The following GYG2 variants were observed in gnomAD, a reference collection of about 807,000 sequenced individuals.
GYG2 encodes the protein glycogenin 2, also known as glycogenin-2.
In GYG2, 29 loss-of-function variants were observed where a neutral mutation model predicts 29.4. The observed-to-expected ratio is 0.99, with a 90% CI of 0.74 to 1.35. GYG2 has a LOEUF of 1.35. Ranked by LOEUF, GYG2 falls within the 40% of genes most tolerant of loss-of-function variation. The probability of loss-of-function intolerance (pLI) is 0.00; values close to 1 mark genes in which losing one functional copy is unlikely to be tolerated. For synonymous variants in GYG2, 167 were observed against 172.3 expected (o/e 0.97, Z 0.24); for missense variants, 370 against 385.7 (o/e 0.96, Z 0.34).
chrX:2,879,135 C>T (rs2088660572), intron 10 of GYG2, among the ~76,000 whole-genome samples: 1 of 110,942 alleles, frequency 9.0e-6, no homozygotes, highest in Non-Finnish European at 1.9e-5. Context: ...TATGTAAAAA[C>T]CTTCTAAAAA....
intron 2 of GYG2, among the ~76,000 whole-genome samples, chrX:2,834,328 A>G (rs2087328689): frequency 8.9e-6 from 1 of 111,749 alleles, no homozygotes; most frequent in Non-Finnish European, 1.9e-5. Context: ...TCTGTGTTGG[A>G]AAGGGAATTA....
At chrX:2,837,860 C>T (rs1045451557) in intron 2 of GYG2, among the ~76,000 whole-genome samples, 1 of 107,608 alleles carries the variant, frequency 9.3e-6, no homozygotes, top group Non-Finnish European at 1.9e-5. Context: ...CACACACACA[C>T]ACACACACAT....
intron 8 of GYG2, among the ~76,000 whole-genome samples, chrX:2,871,527 T>C (rs1438772943): frequency 1.8e-5 from 2 of 109,787 alleles, no homozygotes; most frequent in Non-Finnish European, 3.8e-5. Flanking sequence ...CCATCTCTAC[T>C]AAAAATACAA....
chrX:2,857,749 C>A (rs1416045763), intron 6 of GYG2, among the ~76,000 whole-genome samples: 1 of 111,237 alleles, frequency 9.0e-6, no homozygotes, highest in African/African-American at 3.3e-5. Flanking sequence ...TGATAGCTAG[C>A]CAAGGCTCTA....
chrX:2,854,608 G>A (rs2087937836), intron 4 of GYG2, among the ~76,000 whole-genome samples: 2 of 111,804 alleles, frequency 1.8e-5, no homozygotes, highest in African/African-American at 6.5e-5. Context: ...TATAACCACA[G>A]TATTTTACAC....
At chrX:2,853,906 C>T (rs892764768) in intron 3 of GYG2, 74 bp from the exon 4 acceptor site, 67 of 718,076 alleles carry the variant, frequency 9.3e-5, no homozygotes, top group Non-Finnish European at 1.3e-4. Flanking sequence ...AAAACAGCAC[C>T]CTCTTGAAGG....
In GYG2 at chrX:2,881,692, G is replaced by T. The variant is rs191535125; in HGVS notation, c.*479G>T. The T allele has an allele frequency of 5.8e-3, 650 of 112,339 alleles. 3 individuals are homozygous for T. The highest frequency in any genetic ancestry group is 9.1e-3 in the Non-Finnish European group (489 of 53,565). 9.3% of individuals were successfully genotyped at this position (112,339 alleles called of 1,213,427 possible). A position where few individuals can be genotyped will look rare whatever the true frequency, so the allele number is the denominator to read the frequency against. Reference sequence around the variant, plus strand: ...TGCCATGGAGACCCATTTCTGTAGGGCTAAGGAAACATTTAGACGTGGTGA... The same window carrying T: ...TGCCATGGAGACCCATTTCTGTAGGTCTAAGGAAACATTTAGACGTGGTGA... On this transcript the variant is annotated 3_prime_UTR_variant, in exon 11 of 11. Coordinates refer to ENST00000398806, the MANE Select transcript of GYG2 (RefSeq NM_001079855.2).
At chrX:2,873,712 T>C (rs1407961064) in intron 8 of GYG2, among the ~76,000 whole-genome samples, 1 of 111,369 alleles carries the variant, frequency 9.0e-6, no homozygotes, top group African/African-American at 3.3e-5. Flanking sequence ...ATTCATTCCT[T>C]CACCAACATG....
chrX:2,846,055 A>ATATATTTTT (rs2087723665), intron 3 of GYG2, among the ~76,000 whole-genome samples: 2 of 38,677 alleles, frequency 5.2e-5, no homozygotes, highest in Non-Finnish European at 8.9e-5. Context: ...ATATATATAT[A>ATATATTTTT]TTTTTTTTTT....
intron 6 of GYG2, among the ~76,000 whole-genome samples, chrX:2,858,495 G>A (rs774292423): frequency 9.0e-6 from 1 of 110,783 alleles, no homozygotes; most frequent in Admixed American, 9.7e-5. Flanking sequence ...AATCCACACG[G>A]ACAAAGCTCT....
chrX:2,847,902 C>A (rs1234451139), intron 3 of GYG2, among the ~76,000 whole-genome samples: 1 of 111,529 alleles, frequency 9.0e-6, no homozygotes, highest in African/African-American at 3.3e-5. Flanking sequence ...TGTTGAGCAG[C>A]GTCCCTGGGC....
At chrX:2,856,752 GTATC>G (rs1284530504) in intron 6 of GYG2, 128 bp downstream of exon 6, 196 of 166,059 alleles carry the variant, frequency 1.2e-3, no homozygotes, top group East Asian at 9.7e-3. Context: ...ATCTATCTAT[GTATC>G]TATCTATCTA....
At chrX:2,839,817 A>G (rs2087455637) in intron 2 of GYG2, among the ~76,000 whole-genome samples, 1 of 112,358 alleles carries the variant, frequency 8.9e-6, no homozygotes, top group South Asian at 3.7e-4. Context: ...AAAAGGCTAC[A>G]TAGTGTTTGA....
chrX:2,841,688 CGCTTGT>C (rs2087505032), intron 2 of GYG2, among the ~76,000 whole-genome samples: 1 of 111,566 alleles, frequency 9.0e-6, no homozygotes, highest in South Asian at 3.8e-4. Flanking sequence ...ACGTCTGGGA[CGCTTGT>C]GTTTGTTATA....
chrX:2,871,320 C>T (rs577023966), intron 8 of GYG2, among the ~76,000 whole-genome samples: 2 of 109,575 alleles, frequency 1.8e-5, no homozygotes, highest in South Asian at 8.0e-4. Flanking sequence ...TGACATTTAC[C>T]TCTTCTGTTT....
Position 2,853,998 on chromosome X carries a change from G to A in GYG2, c.168G>A (p.Val56=), listed in dbSNP as rs754481781. 1.7e-6 allele frequency: 2 copies of A among 1,201,298 alleles called. No individual in the cohort carries two copies. The highest frequency in any genetic ancestry group is 2.3e-6 in the Non-Finnish European group (2 of 886,246). The change falls in exon 4 of 11, where the codon GTG becomes GTA. Residue 56 remains valine (V), a synonymous_variant. Coordinates refer to ENST00000398806, the MANE Select transcript of GYG2 (RefSeq NM_001079855.2). ...GTTCCAGGGTCATCCTCTCGAAGGTGTTCGATGAAGTCATTGAAGTGAATC... is the reference window on the plus strand; with the variant it reads ...GTTCCAGGGTCATCCTCTCGAAGGTATTCGATGAAGTCATTGAAGTGAATC... ...SSLLRVILSK[V]FDEVIEVNLI...
intron 7 of GYG2, among the ~76,000 whole-genome samples, chrX:2,860,869 AC>A (rs758208144): frequency 1.8e-5 from 2 of 110,309 alleles, no homozygotes; most frequent in Non-Finnish European, 3.8e-5. Flanking sequence ...AGCTGGGATT[AC>A]AGGTGCCTAC....
rs1311453114 is a variant in GYG2 at position 2,854,923 on chromosome X, C to T, written c.325-70C>T. 5.3e-6 allele frequency: 6 copies of T among 1,131,528 alleles called. No individual in the cohort carries two copies. In the Admixed American group the frequency reaches 1.4e-4, roughly 26 times the overall value. The allele number at this position is 1,131,528 out of a possible 1,213,427, so 93.3% of individuals were successfully genotyped here. Reference sequence around the variant, plus strand: ...CTCCAGCCTGGGCGACAGAGCAAGACTCTGTCTCAAAAACAGAAGCATTGG... The same window carrying T: ...CTCCAGCCTGGGCGACAGAGCAAGATTCTGTCTCAAAAACAGAAGCATTGG... On this transcript the variant is annotated intron_variant, in intron 4 of 10. Coordinates refer to ENST00000398806, the MANE Select transcript of GYG2 (RefSeq NM_001079855.2).
At chrX:2,877,100 T>C in intron 9 of GYG2, 100 bp from the exon 10 acceptor site, 1 of 1,103,878 alleles carries the variant, frequency 9.1e-7, no homozygotes, top group Non-Finnish European at 1.2e-6. Flanking sequence ...AATAATTTGA[T>C]TTTATTTTAC....
Sources: allele counts gnomAD v4.1 joint callset (sites outside exome capture counted in the v4.1 genomes callset), GRCh38; gene constraint gnomAD v4.1.1; transcripts MANE v1.5; gene names NCBI Gene and HGNC (gene_info 2026-07-23, HGNC 2026-07-21).